Variants in RABGAP1L observed in about 807,000 individuals in gnomAD.
RABGAP1L encodes the protein rab GTPase-activating protein 1-like.
A neutral mutation model predicts 137.7 loss-of-function variants in RABGAP1L; 63 were observed. The observed-to-expected ratio is 0.46, with a 90% CI of 0.37 to 0.56. The LOEUF (loss-of-function observed/expected upper bound fraction) is 0.56. RABGAP1L is among the 20% of genes least tolerant of loss of function. The pLI, the probability that RABGAP1L is intolerant of heterozygous loss-of-function variation, is 0.00. For synonymous variants in RABGAP1L, 431 were observed against 433.7 expected (o/e 0.99, Z 0.08); for missense variants, 1,095 against 1,244.0 (o/e 0.88, Z 1.80).
intron 4 of RABGAP1L, among the ~76,000 whole-genome samples, chr1:174,239,997 A>G (rs1246721173): frequency 6.6e-6 from 1 of 152,224 alleles, no homozygotes; most frequent in Non-Finnish European, 1.5e-5. Flanking sequence ...TATTGTTTAT[A>G]TGTTATCGTC....
At chr1:174,501,124 A>C (rs756370919) in intron 13 of RABGAP1L, among the ~76,000 whole-genome samples, 22 of 152,098 alleles carry the variant, frequency 1.4e-4, no homozygotes, top group Admixed American at 1.0e-3. Flanking sequence ...ATCTAGGGCA[A>C]GGCCAAAAGC....
chr1:174,983,731 G>A (rs1574075827), intron 24 of RABGAP1L, among the ~76,000 whole-genome samples: 1 of 152,172 alleles, frequency 6.6e-6, no homozygotes, highest in South Asian at 2.1e-4. Context: ...ATAAGATAAT[G>A]AATATAAAGT....
intron 13 of RABGAP1L, among the ~76,000 whole-genome samples, chr1:174,537,268 CA>C (rs534195927): frequency 7.8e-4 from 119 of 152,250 alleles, no homozygotes; most frequent in African/African-American, 2.8e-3. Flanking sequence ...GAACCAAATG[CA>C]AAGTAGCTTA....
Position 174,929,839 on chromosome 1 carries a change from C to T in RABGAP1L, c.2341-27618C>T, listed in dbSNP as rs529299754. ...ATATTCATCTCTACTGATTTTAAAG[C>T]AAAATTTAATTTTTTTTTTTTTTTT... is the stretch of plus-strand genomic sequence containing the variant. On this transcript the variant is annotated intron_variant, in intron 19 of 25. Coordinates refer to ENST00000681986, the MANE Select transcript of RABGAP1L (RefSeq NM_001366446.1). 2.9e-5 allele frequency among the ~76,000 whole-genome samples: 4 copies of T among 139,026 alleles called. No homozygotes were observed. The South Asian group carries it at 8.8e-4, about 31-fold the overall frequency. 91.2% of individuals were successfully genotyped at this position (139,026 alleles called of 152,430 possible). A position where few individuals can be genotyped will look rare whatever the true frequency, so the allele number is the denominator to read the frequency against.
intron 17 of RABGAP1L, among the ~76,000 whole-genome samples, chr1:174,712,238 C>A (rs551785670): frequency 6.6e-6 from 1 of 152,286 alleles, no homozygotes; most frequent in East Asian, 1.9e-4. Flanking sequence ...CCCGAGCAGT[C>A]ACCTTCCGGA....
intron 24 of RABGAP1L, among the ~76,000 whole-genome samples, chr1:174,987,611 G>A (rs1166587010): frequency 6.6e-6 from 1 of 152,222 alleles, no homozygotes; most frequent in Non-Finnish European, 1.5e-5. Context: ...TGTGTGAAGA[G>A]AGGAGGATGG....
chr1:174,215,825 A>G lies in RABGAP1L; in HGVS notation c.-33-3300A>G, dbSNP rs1393030166. Among the ~76,000 whole-genome samples the G allele has an allele frequency of 1.4e-4, 22 of 152,212 alleles. 1 individual carries two copies. Among genetic ancestry groups the G allele is most frequent in the Admixed American group, 1.4e-3 (22 of 15,280 alleles). ...ATTCACCAATCCCACTGCTAGGTAT[A>G]TACTCCGAAGAAGAGATATCTGCAC... On this transcript the variant is annotated intron_variant, in intron 1 of 25. Coordinates refer to ENST00000681986, the MANE Select transcript of RABGAP1L (RefSeq NM_001366446.1).
chr1:174,783,095 C>T (rs745650913), intron 18 of RABGAP1L, among the ~76,000 whole-genome samples: 2 of 152,078 alleles, frequency 1.3e-5, no homozygotes, highest in African/African-American at 4.8e-5. Context: ...ATGCTACCAT[C>T]GCAGACCCAC....
In RABGAP1L at chr1:174,359,605, G is replaced by A. The variant is rs577890780; in HGVS notation, c.1466-11374G>A. ...AGTGCCCAACATTTACTGGATATTG[G>A]CACTTGGCACACAGACTGGTGTCTG... On this transcript the variant is annotated intron_variant, in intron 11 of 25. Coordinates refer to ENST00000681986, the MANE Select transcript of RABGAP1L (RefSeq NM_001366446.1). Among the ~76,000 whole-genome samples, 8 of 152,270 alleles carry A rather than the reference G, an allele frequency of 5.3e-5. No homozygotes were observed. The South Asian group carries it at 1.0e-3, about 20-fold the overall frequency.
intron 11 of RABGAP1L, among the ~76,000 whole-genome samples, chr1:174,342,802 CCT>C (rs1682089753): frequency 6.6e-6 from 1 of 151,238 alleles, no homozygotes; most frequent in Admixed American, 6.6e-5. Context: ...GCAGTAGTGC[CCT>C]CTCGGCTCAC....
intron 13 of RABGAP1L, among the ~76,000 whole-genome samples, chr1:174,437,999 C>A (rs1417578877): frequency 3.3e-5 from 5 of 152,140 alleles, no homozygotes; most frequent in African/African-American, 1.2e-4. Context: ...AAATAAACTC[C>A]TTTACAGACA....
At chr1:174,406,517 C>T (rs1649300474) in intron 13 of RABGAP1L, among the ~76,000 whole-genome samples, 2 of 152,142 alleles carry the variant, frequency 1.3e-5, no homozygotes, top group Non-Finnish European at 2.9e-5. Flanking sequence ...TTTTTAAAAA[C>T]TTAAGGCAGT....
intron 11 of RABGAP1L, among the ~76,000 whole-genome samples, chr1:174,364,667 C>T (rs1684460438): frequency 6.6e-6 from 1 of 152,136 alleles, no homozygotes; most frequent in Non-Finnish European, 1.5e-5. Context: ...CACAAATGAT[C>T]CTTTGAATTT....
intron 1 of RABGAP1L, 124 bp downstream of exon 1, chr1:174,159,781 C>A (rs1664261559): frequency 6.6e-6 from 1 of 152,440 alleles, no homozygotes; most frequent in South Asian, 2.1e-4. Context: ...GGGCCCCAGC[C>A]GAGGACTGGG....
chr1:174,844,200 T>A lies in RABGAP1L; in HGVS notation c.2340+32240T>A, dbSNP rs1229511007. Among the ~76,000 whole-genome samples, 3 of 126,300 alleles carry A rather than the reference T, an allele frequency of 2.4e-5. No homozygotes were observed. The Admixed American group carries it at 2.5e-4, about 11-fold the overall frequency. 82.9% of individuals were successfully genotyped at this position (126,300 alleles called of 152,430 possible). ...GCCTGTTCACTCTGATGGTAGTTTC[T>A]TTTGCTGTGCAGAAGCTCTTTAGTT... is the stretch of plus-strand genomic sequence containing the variant. On this transcript the variant is annotated intron_variant, in intron 19 of 25. Coordinates refer to ENST00000681986, the MANE Select transcript of RABGAP1L (RefSeq NM_001366446.1).
chr1:174,663,434 C>T (rs74636929), intron 14 of RABGAP1L, among the ~76,000 whole-genome samples: 3,118 of 152,224 alleles, frequency 0.02, 101 homozygotes, highest in African/African-American at 0.072. Flanking sequence ...TGAGAAGCAA[C>T]GAGCTATACC....
chr1:174,200,404 C>T (rs187553143), intron 1 of RABGAP1L, among the ~76,000 whole-genome samples: 71 of 152,276 alleles, frequency 4.7e-4, no homozygotes, highest in Middle Eastern at 6.8e-3. Flanking sequence ...TTATTATCTA[C>T]AGTTACCTGA....
At chr1:174,974,839 G>A (rs943204995) in intron 21 of RABGAP1L, among the ~76,000 whole-genome samples, 1 of 152,188 alleles carries the variant, frequency 6.6e-6, no homozygotes, top group Non-Finnish European at 1.5e-5. Flanking sequence ...AAAACAGACA[G>A]AAGGCCGCTT....
chr1:174,279,377 TTG>T (rs1464302419), intron 10 of RABGAP1L, among the ~76,000 whole-genome samples: 1 of 152,184 alleles, frequency 6.6e-6, no homozygotes, highest in Non-Finnish European at 1.5e-5. Flanking sequence ...TGAATGCTAA[TTG>T]TGTGAGTTTT....
Sources: allele counts gnomAD v4.1 joint callset (sites outside exome capture counted in the v4.1 genomes callset), GRCh38; gene constraint gnomAD v4.1.1; transcripts MANE v1.5; gene names NCBI Gene and HGNC (gene_info 2026-07-23, HGNC 2026-07-21).